Variants in PRKCH observed in about 807,000 individuals in gnomAD.
PRKCH encodes the protein protein kinase C eta type.
PRKCH carries 28 observed loss-of-function variants against 82.5 expected under a neutral mutation model. The observed-to-expected ratio is 0.34, with a 90% CI of 0.25 to 0.47. The LOEUF is 0.47. Ranked by LOEUF, PRKCH falls within the 20% of genes least tolerant of loss-of-function variation. The pLI, the probability that PRKCH is intolerant of heterozygous loss-of-function variation, is 1.00. For missense variants in PRKCH, 705 were observed against 881.8 expected, an observed-to-expected ratio of 0.80 and a Z score of 2.54; for synonymous variants, 322 against 327.4, an observed-to-expected ratio of 0.98 and a Z score of 0.18.
intron 1 of PRKCH, among the ~76,000 whole-genome samples, chr14:61,336,917 A>C (rs2045864469): frequency 6.6e-6 from 1 of 151,766 alleles, no homozygotes; most frequent in Non-Finnish European, 1.5e-5. Context: ...AAAAATACAA[A>C]AATTAGCTGG....
chr14:61,305,761 T>G (rs1420630780), intron 1 of PRKCH: 1 of 152,226 alleles, frequency 6.6e-6, no homozygotes, highest in Non-Finnish European at 1.5e-5. Context: ...CATCCTTACA[T>G]ATATTTATAA....
chr14:61,240,918 T>A (rs78189413), intron 1 of PRKCH, among the ~76,000 whole-genome samples: 1,529 of 150,506 alleles, frequency 0.01, 22 homozygotes, highest in African/African-American at 0.035. Flanking sequence ...GTGTGAGGTT[T>A]TTTCCCCACA....
chr14:61,297,784 A>G (rs1460842993), intron 1 of PRKCH, among the ~76,000 whole-genome samples: 1 of 152,144 alleles, frequency 6.6e-6, no homozygotes, highest in Non-Finnish European at 1.5e-5. Context: ...CTAACCGGCC[A>G]CAGGACTGTT....
At chr14:61,469,841 C>G (rs1005952410) in intron 9 of PRKCH, among the ~76,000 whole-genome samples, 2 of 151,958 alleles carry the variant, frequency 1.3e-5, no homozygotes, top group East Asian at 1.9e-4. Flanking sequence ...GGTGTTCATT[C>G]ATTCAGCAGA....
intron 1 of PRKCH, among the ~76,000 whole-genome samples, chr14:61,331,403 C>G (rs1373627162): frequency 2.0e-5 from 3 of 152,060 alleles, no homozygotes; most frequent in Non-Finnish European, 4.4e-5. Context: ...CCTGTAGTCC[C>G]GTGTACTGGG....
At chr14:61,393,193 A>C (rs1424816040) in intron 2 of PRKCH, among the ~76,000 whole-genome samples, 1 of 152,160 alleles carries the variant, frequency 6.6e-6, no homozygotes, top group African/African-American at 2.4e-5. Context: ...GTTACATAGT[A>C]TGAGCCCTCC....
intron 12 of PRKCH, among the ~76,000 whole-genome samples, chr14:61,532,340 C>T (rs192173159): frequency 1.3e-5 from 2 of 152,276 alleles, no homozygotes; most frequent in East Asian, 1.9e-4. Context: ...GTCTATGCCT[C>T]AATAAATTTT....
At chr14:61,297,486 T>C (rs529033419) in intron 1 of PRKCH, among the ~76,000 whole-genome samples, 1 of 152,360 alleles carries the variant, frequency 6.6e-6, no homozygotes, top group East Asian at 1.9e-4. Context: ...CTCATATTTG[T>C]CTGCTGCAGT....
chr14:61,209,479 C>T lies in PRKCH; in HGVS notation c.-19+21811C>T, dbSNP rs538094297. Among the ~76,000 whole-genome samples, 40 of 151,962 alleles carry T rather than the reference C, an allele frequency of 2.6e-4. No individual in the cohort carries two copies. The South Asian group carries it at 2.7e-3, about 10-fold the overall frequency. On this transcript the variant is annotated intron_variant, in intron 1 of 3. Transcript: ENST00000555185. ...TCTATCGTATTTTATCATAGCATCC[C>T]GAGCTGACTGAGACAACCACCAAGA...
chr14:61,434,044 A>G (rs1439040485), intron 2 of PRKCH, among the ~76,000 whole-genome samples: 2 of 152,238 alleles, frequency 1.3e-5, no homozygotes, highest in Non-Finnish European at 2.9e-5. Context: ...AGACCACATC[A>G]TAGCTACGTT....
intron 2 of PRKCH, 71 bp downstream of exon 2, chr14:61,391,359 A>C: frequency 7.8e-7 from 1 of 1,275,578 alleles, no homozygotes. Context: ...AATTTCTATC[A>C]TGGACATTAT....
rs1369136459 is a variant in PRKCH, at chr14:61,365,667, G to GA, written c.364-25552dup. The stretch of plus-strand genomic sequence containing the variant: ...CAGGCATCTGTGTCTTCCAAGGTGA[G>GA]AAAAAACGTTAAAACATATCATGTA... On this transcript the variant is annotated intron_variant, in intron 1 of 13. Transcript: ENST00000332981. Among the ~76,000 whole-genome samples, 2 of 151,912 alleles carry GA rather than the reference G, an allele frequency of 1.3e-5. 1 individual carries two copies. Among genetic ancestry groups the GA allele is most frequent in the African/African-American group, 4.8e-5 (2 of 41,268 alleles).
At chr14:61,403,168 A>G (rs78341119) in intron 2 of PRKCH, among the ~76,000 whole-genome samples, 6,262 of 152,252 alleles carry the variant, frequency 0.041, 210 homozygotes, top group East Asian at 0.082. Context: ...ATGTAATGGA[A>G]TTGTTATTGT....
chr14:61,233,088 A>G (rs1318954208), intron 1 of PRKCH, among the ~76,000 whole-genome samples: 2 of 152,216 alleles, frequency 1.3e-5, no homozygotes, highest in East Asian at 3.8e-4. Context: ...TCAATTATTA[A>G]CAGTTGGTCC....
chr14:61,332,802 C>G (rs186677097), intron 1 of PRKCH, among the ~76,000 whole-genome samples: 16 of 152,310 alleles, frequency 1.1e-4, no homozygotes, highest in Admixed American at 8.5e-4. Flanking sequence ...ACTAGCATAG[C>G]TCTGTCTCTC....
intron 1 of PRKCH, among the ~76,000 whole-genome samples, chr14:61,265,922 C>T (rs567454681): frequency 6.6e-6 from 1 of 152,040 alleles, no homozygotes; most frequent in Non-Finnish European, 1.5e-5. Flanking sequence ...TAGCAAAACC[C>T]CATCTCTACT....
intron 6 of PRKCH, among the ~76,000 whole-genome samples, chr14:61,452,192 C>T (rs1884542292): frequency 6.6e-6 from 1 of 152,144 alleles, no homozygotes; most frequent in Admixed American, 6.5e-5. Flanking sequence ...TGAAAGGCTT[C>T]TGTAGGCTCG....
At chr14:61,529,913 A>ATATAT (rs1555396322) in intron 11 of PRKCH, among the ~76,000 whole-genome samples, 1 of 125,588 alleles carries the variant, frequency 8.0e-6, no homozygotes, top group African/African-American at 2.6e-5. Flanking sequence ...AATAAAAAAA[A>ATATAT]ATATATATAT....
At chr14:61,405,904 A>G (rs1881922912) in intron 2 of PRKCH, among the ~76,000 whole-genome samples, 1 of 151,040 alleles carries the variant, frequency 6.6e-6, no homozygotes, top group Admixed American at 6.6e-5. Flanking sequence ...GTGAGTCCTA[A>G]GATTTGGGAT....
Sources: allele counts gnomAD v4.1 joint callset (sites outside exome capture counted in the v4.1 genomes callset), GRCh38; gene constraint gnomAD v4.1.1; transcripts MANE v1.5; gene names NCBI Gene and HGNC (gene_info 2026-07-23, HGNC 2026-07-21).